The following SEMA3C variants were observed in gnomAD, a reference collection of about 807,000 sequenced individuals.
SEMA3C encodes semaphorin-3C.
Under a neutral mutation model 89.4 loss-of-function variants are expected in SEMA3C, and 47 were observed. The ratio of observed to expected loss-of-function variants is 0.53; its 90% CI spans 0.42 to 0.67. The LOEUF is 0.67. Ranked by LOEUF, SEMA3C falls within the 30% of genes least tolerant of loss-of-function variation. The pLI, the probability that SEMA3C is intolerant of heterozygous loss-of-function variation, is 0.00. For missense variants in SEMA3C, 839 were observed against 929.1 expected (o/e 0.90, Z 1.26); for synonymous variants, 310 against 320.2 (o/e 0.97, Z 0.34).
At chr7:80,922,313 C>A (rs554825705), upstream of SEMA3C, 221 of 1,287,730 alleles carry the variant, frequency 1.7e-4, no homozygotes, top group African/African-American at 3.0e-3. Context: ...CTCTCTTTCT[C>A]CTTCACTCAA....
chr7:80,896,185 A>C (rs1263471443), intron 2 of SEMA3C, among the ~76,000 whole-genome samples: 3 of 152,184 alleles, frequency 2.0e-5, no homozygotes, highest in Non-Finnish European at 4.4e-5. Flanking sequence ...TGTCTTTTAA[A>C]ATAGCCCTAC....
chr7:80,886,882 T>A (rs1791492648), intron 2 of SEMA3C, among the ~76,000 whole-genome samples: 1 of 152,182 alleles, frequency 6.6e-6, no homozygotes, highest in Non-Finnish European at 1.5e-5. Flanking sequence ...TCTATTTTTT[T>A]AAATAACAAG....
intron 15 of SEMA3C, among the ~76,000 whole-genome samples, chr7:80,756,130 A>G (rs1387579467): frequency 6.6e-6 from 1 of 152,180 alleles, no homozygotes; most frequent in Non-Finnish European, 1.5e-5. Flanking sequence ...CATCTTATAG[A>G]TACCATTCAT....
chr7:80,807,266 T>C (rs1276629029), intron 6 of SEMA3C, among the ~76,000 whole-genome samples: 1 of 152,138 alleles, frequency 6.6e-6, no homozygotes, highest in Non-Finnish European at 1.5e-5. Flanking sequence ...CAGCTATCAA[T>C]TGTCATATCT....
rs1787708703 is a variant in SEMA3C, at chr7:80,742,632, AC to A, written c.*2261del. ...ACAACTACATTTAGTTTGTTTTCTT[AC>A]ACAGATTGAACATTCACCATTATGA... On this transcript the variant is annotated 3_prime_UTR_variant, in exon 18 of 18. Coordinates refer to ENST00000265361, the MANE Select transcript of SEMA3C (RefSeq NM_006379.5). 1 of 152,034 alleles carries A rather than the reference AC, an allele frequency of 6.6e-6. No homozygotes were observed. The highest frequency in any genetic ancestry group is 2.1e-4 in the South Asian group (1 of 4,838). The allele number at this position is 152,034 out of a possible 1,614,324, so 9.4% of individuals were successfully genotyped here.
intron 2 of SEMA3C, among the ~76,000 whole-genome samples, chr7:80,845,344 A>C (rs1393029889): frequency 6.6e-6 from 1 of 152,082 alleles, no homozygotes; most frequent in Non-Finnish European, 1.5e-5. Flanking sequence ...TCTTAGGTGG[A>C]CATCAGTAAG....
intron 13 of SEMA3C, among the ~76,000 whole-genome samples, chr7:80,762,388 AT>A (rs1788205477): frequency 6.6e-6 from 1 of 152,204 alleles, no homozygotes; most frequent in African/African-American, 2.4e-5. Context: ...AAACAAAAAA[AT>A]ATTGTTAGAA....
Position 80,750,435 on chromosome 7 carries a change from CATATATATATATATAT to C in SEMA3C, c.1711+818_1711+833del, listed in dbSNP as rs71520704. 1.0e-3 allele frequency among the ~76,000 whole-genome samples: 72 copies of C among 71,078 alleles called. 1 individual carries two copies. The highest frequency in any genetic ancestry group is 3.8e-3 in the Admixed American group (21 of 5,508). 46.6% of individuals were successfully genotyped at this position (71,078 alleles called of 152,430 possible). On this transcript the variant is annotated intron_variant, in intron 16 of 17. Transcript: ENST00000265361. ...TATGGCTTACCTACATACATACGTA[CATATATATATATATAT>C]ATATATATATATATATATATATACA...
At chr7:80,800,398 A>G (rs1789173640) in intron 10 of SEMA3C, among the ~76,000 whole-genome samples, 1 of 152,208 alleles carries the variant, frequency 6.6e-6, no homozygotes, top group Admixed American at 6.5e-5. Context: ...GGTGATAAAC[A>G]TTTATTACCT....
In SEMA3C at chr7:80,801,505, T is replaced by C. The variant is rs920452711; in HGVS notation, c.917-679A>G. ...TGAAAGTAGATTTCTGATAGAAAAC[T>C]CCAATTAATAATCAATTGCCATGAT... On this transcript the variant is annotated intron_variant, in intron 9 of 17. Coordinates refer to ENST00000265361, the MANE Select transcript of SEMA3C (RefSeq NM_006379.5). Among the ~76,000 whole-genome samples, 7 of 152,156 alleles carry C rather than the reference T, an allele frequency of 4.6e-5. No homozygotes were observed. In the South Asian group the frequency reaches 1.4e-3, roughly 32 times the overall value.
chr7:80,799,002 G>A (rs1469080786), intron 10 of SEMA3C, among the ~76,000 whole-genome samples: 1 of 152,154 alleles, frequency 6.6e-6, no homozygotes. Context: ...GCAGAATGAT[G>A]ATTTTGAATT....
chr7:80,746,513 G>A (rs1165828544), intron 17 of SEMA3C, among the ~76,000 whole-genome samples: 4 of 152,010 alleles, frequency 2.6e-5, no homozygotes, highest in African/African-American at 9.7e-5. Flanking sequence ...CATTAAACAT[G>A]TATATAATAT....
intron 2 of SEMA3C, among the ~76,000 whole-genome samples, chr7:80,871,244 G>T (rs1412852765): frequency 6.6e-6 from 1 of 152,158 alleles, no homozygotes; most frequent in Admixed American, 6.5e-5. Flanking sequence ...TGCAGGAAAA[G>T]AAAGAAAAAC....
intron 2 of SEMA3C, among the ~76,000 whole-genome samples, chr7:80,851,346 A>G (rs1420664314): frequency 1.3e-5 from 2 of 151,690 alleles, no homozygotes; most frequent in African/African-American, 4.8e-5. Flanking sequence ...CTCTACTAAA[A>G]ATACAAAAAT....
chr7:80,764,894 C>A (rs1346305456), intron 13 of SEMA3C, among the ~76,000 whole-genome samples: 1 of 152,114 alleles, frequency 6.6e-6, no homozygotes, highest in Admixed American at 6.5e-5. Context: ...ATAATGATGA[C>A]CACAATTCTT....
chr7:80,917,009 G>A (rs932534322), intron 1 of SEMA3C, among the ~76,000 whole-genome samples, 190 bp from the exon 2 acceptor site: 2 of 152,152 alleles, frequency 1.3e-5, no homozygotes, highest in Non-Finnish European at 2.9e-5. Context: ...TTTGTGTCTG[G>A]AAGTCTTTGC....
chr7:80,808,565 G>A (rs1789393725), intron 6 of SEMA3C, among the ~76,000 whole-genome samples: 1 of 152,100 alleles, frequency 6.6e-6, no homozygotes, highest in African/African-American at 2.4e-5. Flanking sequence ...AGGTTTACCT[G>A]TCTTAATGTA....
At chr7:80,820,886 T>C (rs953005742) in intron 4 of SEMA3C, among the ~76,000 whole-genome samples, 4 of 152,166 alleles carry the variant, frequency 2.6e-5, no homozygotes, top group Non-Finnish European at 5.9e-5. Context: ...TATTTCCCCA[T>C]AAGATATAAA....
At chr7:80,864,733 C>A (rs11764532) in intron 2 of SEMA3C, among the ~76,000 whole-genome samples, 105,237 of 152,046 alleles carry the variant, frequency 0.69, 36,705 homozygotes, top group South Asian at 0.83. Context: ...TCTAGATTCT[C>A]CATCTCTCCT....
Sources: allele counts gnomAD v4.1 joint callset (sites outside exome capture counted in the v4.1 genomes callset), GRCh38; gene constraint gnomAD v4.1.1; transcripts MANE v1.5; gene names NCBI Gene and HGNC (gene_info 2026-07-23, HGNC 2026-07-21).